CDH13: variants seen among roughly 807,000 people sequenced by gnomAD.
The protein encoded by CDH13 is cadherin-13.
In CDH13, 24 loss-of-function variants were observed where a neutral mutation model predicts 63.8. The ratio of observed to expected loss-of-function variants is 0.38; its 90% CI spans 0.27 to 0.53. The LOEUF is 0.53. Ranked by LOEUF, CDH13 falls within the 20% of genes least tolerant of loss-of-function variation. The pLI is 0.85. For synonymous variants in CDH13, 503 were observed against 355.3 expected, an observed-to-expected ratio of 1.42 and a Z score of -4.67; for missense variants, 1,049 against 903.1, an observed-to-expected ratio of 1.16 and a Z score of -2.07.
chr16:82,951,984 C>T (rs1371698106), intron 2 of CDH13, among the ~76,000 whole-genome samples: 1 of 152,230 alleles, frequency 6.6e-6, no homozygotes, highest in Non-Finnish European at 1.5e-5. Context: ...GGGTCGTCAT[C>T]TCAACACATG....
Position 83,783,313 on chromosome 16 carries a change from A to G in CDH13, c.1975A>G (p.Ile659Val), listed in dbSNP as rs1915658394. 3 of 1,613,984 alleles carry G rather than the reference A, an allele frequency of 1.9e-6. No individual in the cohort carries two copies. The highest frequency in any genetic ancestry group is 1.3e-5 in the African/African-American group (1 of 75,052). Residue 659 changes from isoleucine (I) to valine (V), a missense_variant, in exon 13 of 14, where the codon ATC becomes GTC. Transcript: ENST00000567109. Reference protein sequence around the residue: ...NLNKANYNLPIMVTDSGKPPM... With the variant: ...NLNKANYNLPVMVTDSGKPPM... ...GAACAAAGCAAACTACAACCTGCCC[A>G]TCATGGTGACAGATTCAGGGAAACC...
At chr16:82,992,948 C>T (rs1567725059) in intron 2 of CDH13, among the ~76,000 whole-genome samples, 1 of 152,218 alleles carries the variant, frequency 6.6e-6, no homozygotes, top group East Asian at 1.9e-4. Flanking sequence ...GCTGAGACCA[C>T]CCCACGTGTC....
chr16:83,389,309 A>T (rs1391839507), intron 6 of CDH13, among the ~76,000 whole-genome samples: 4 of 152,124 alleles, frequency 2.6e-5, no homozygotes, highest in Non-Finnish European at 1.5e-5. Flanking sequence ...GCATTTTTTT[A>T]GGTGTTTGTG....
chr16:83,012,405 T>A (rs1914257208), intron 2 of CDH13, among the ~76,000 whole-genome samples: 1 of 146,630 alleles, frequency 6.8e-6, no homozygotes, highest in Admixed American at 7.1e-5. Context: ...CCAAGGAAAA[T>A]ATAAAATAAA....
At chr16:82,714,561 T>TA (rs1200993248) in intron 1 of CDH13, among the ~76,000 whole-genome samples, 1 of 150,656 alleles carries the variant, frequency 6.6e-6, no homozygotes, top group Non-Finnish European at 1.5e-5. Context: ...TAAAAATATA[T>TA]AAATTAGCTG....
At chr16:83,055,134 A>G (rs2030783919) in intron 3 of CDH13, among the ~76,000 whole-genome samples, 1 of 152,112 alleles carries the variant, frequency 6.6e-6, no homozygotes, top group African/African-American at 2.4e-5. Context: ...AATAGTTTGA[A>G]TGGAATATAA....
Position 82,837,564 on chromosome 16 carries a change from C to T in CDH13, c.46-20798C>T, listed in dbSNP as rs571625723. Among the ~76,000 whole-genome samples the T allele has an allele frequency of 1.9e-4, 29 of 152,222 alleles. No homozygotes were observed. The South Asian group carries it at 4.2e-3, about 22-fold the overall frequency. ...TCAGCAAAGGGCAAAGGCCTGTGAGCGAAGTCCGGAGGAAATCAGTTACAA... is the reference window on the plus strand; with the variant it reads ...TCAGCAAAGGGCAAAGGCCTGTGAGTGAAGTCCGGAGGAAATCAGTTACAA... On this transcript the variant is annotated intron_variant, in intron 1 of 13. Transcript: ENST00000567109.
chr16:83,002,418 G>C (rs917279326), intron 2 of CDH13, among the ~76,000 whole-genome samples: 5 of 152,202 alleles, frequency 3.3e-5, no homozygotes, highest in Non-Finnish European at 7.3e-5. Flanking sequence ...TATGGAGGAA[G>C]TGTGGTCCCA....
intron 10 of CDH13, among the ~76,000 whole-genome samples, chr16:83,697,664 T>C (rs1905585629): frequency 6.6e-6 from 1 of 152,230 alleles, no homozygotes; most frequent in Non-Finnish European, 1.5e-5. Context: ...GCAATGGTTT[T>C]TGAGACAGAG....
chr16:83,157,737 A>AT (rs2037269158), intron 4 of CDH13, among the ~76,000 whole-genome samples: 1 of 115,772 alleles, frequency 8.6e-6, no homozygotes, highest in South Asian at 3.0e-4. Context: ...TACTAGAAAT[A>AT]TAAAAAAAAA....
chr16:83,087,622 C>T (rs1314088828), intron 3 of CDH13, among the ~76,000 whole-genome samples: 3 of 129,088 alleles, frequency 2.3e-5, no homozygotes, highest in Non-Finnish European at 4.7e-5. Context: ...GAGCCAAAAC[C>T]GTGTCATTGC....
chr16:83,134,540 G>T (rs376739351), intron 4 of CDH13, among the ~76,000 whole-genome samples: 23 of 123,282 alleles, frequency 1.9e-4, no homozygotes, highest in East Asian at 1.8e-3. Context: ...GGGATGGGGT[G>T]GGGGGAGAGA....
chr16:83,441,381 G>C (rs1211978484), intron 6 of CDH13, among the ~76,000 whole-genome samples: 1 of 152,198 alleles, frequency 6.6e-6, no homozygotes, highest in East Asian at 1.9e-4. Flanking sequence ...TAGAACATCA[G>C]CTTAATCTAT....
At chr16:83,727,344 AGAAC>A (rs1910530430) in intron 10 of CDH13, among the ~76,000 whole-genome samples, 3 of 152,156 alleles carry the variant, frequency 2.0e-5, no homozygotes, top group African/African-American at 7.2e-5. Flanking sequence ...GAGTGTTTAG[AGAAC>A]AGACACATTC....
At chr16:83,027,209 G>A (rs900989625) in intron 2 of CDH13, among the ~76,000 whole-genome samples, 4 of 149,870 alleles carry the variant, frequency 2.7e-5, no homozygotes, top group African/African-American at 9.9e-5. Context: ...GGCCTCCCAT[G>A]TGGAAAAACA....
chr16:83,133,603 A>T (rs1015399209), intron 4 of CDH13, among the ~76,000 whole-genome samples: 4 of 151,968 alleles, frequency 2.6e-5, no homozygotes, highest in African/African-American at 9.7e-5. Flanking sequence ...GGTTCAAGAG[A>T]TTCTCATGCC....
At chr16:83,323,173 T>TTC (rs59960427) in intron 5 of CDH13, among the ~76,000 whole-genome samples, 11,836 of 72,922 alleles carry the variant, frequency 0.16, 1,223 homozygotes, top group Middle Eastern at 0.24. Context: ...TTCTCTTTCT[T>TTC]TTTTCTTTCT....
At chr16:83,080,149 T>G (rs186614907) in intron 3 of CDH13, among the ~76,000 whole-genome samples, 4 of 152,270 alleles carry the variant, frequency 2.6e-5, no homozygotes, top group African/African-American at 9.6e-5. Flanking sequence ...ACAAGTGATG[T>G]GATGATAAAG....
intron 1 of CDH13, among the ~76,000 whole-genome samples, chr16:82,748,115 A>G (rs1343628292): frequency 1.3e-5 from 2 of 152,170 alleles, no homozygotes; most frequent in Non-Finnish European, 2.9e-5. Context: ...TTGACAGAGC[A>G]GCTGCACTAT....
Sources: allele counts gnomAD v4.1 joint callset (sites outside exome capture counted in the v4.1 genomes callset), GRCh38; gene constraint gnomAD v4.1.1; transcripts MANE v1.5; gene names NCBI Gene and HGNC (gene_info 2026-07-23, HGNC 2026-07-21).